The following LAMC1 variants were observed in gnomAD, a reference collection of about 807,000 sequenced individuals.
The protein encoded by LAMC1 is laminin subunit gamma-1.
LAMC1 carries 38 observed loss-of-function variants against 173.6 expected under a neutral mutation model. The ratio of observed to expected loss-of-function variants is 0.22; its 90% CI spans 0.17 to 0.29. The LOEUF is 0.29. Among genes scored for constraint, LAMC1 ranks in the 10% least tolerant of loss-of-function variants. LAMC1 has a pLI of 1.00. For synonymous variants in LAMC1, 746 were observed against 749.1 expected, an observed-to-expected ratio of 1.00 and a Z score of 0.07; for missense variants, 1,824 against 2,051.8, an observed-to-expected ratio of 0.89 and a Z score of 2.14.
intron 1 of LAMC1, among the ~76,000 whole-genome samples, chr1:183,026,862 C>CA (rs1342251623): frequency 2.0e-5 from 3 of 152,110 alleles, no homozygotes; most frequent in Non-Finnish European, 4.4e-5. Flanking sequence ...GAAAATGAAA[C>CA]ATGACATTGT....
At chr1:183,049,573 C>T (rs112145105) in intron 1 of LAMC1, among the ~76,000 whole-genome samples, 7,206 of 151,906 alleles carry the variant, frequency 0.047, 361 homozygotes, top group African/African-American at 0.13. Context: ...AAGCAATTCT[C>T]CTGCCTCAGC....
chr1:183,027,204 A>G (rs1215205377), intron 1 of LAMC1, among the ~76,000 whole-genome samples: 3 of 152,198 alleles, frequency 2.0e-5, no homozygotes, highest in Non-Finnish European at 4.4e-5. Flanking sequence ...GGTGCAGTGC[A>G]TCCTCGGATA....
At chr1:183,044,842 AGG>A (rs939775616) in intron 1 of LAMC1, among the ~76,000 whole-genome samples, 1 of 151,652 alleles carries the variant, frequency 6.6e-6, no homozygotes, top group Non-Finnish European at 1.5e-5. Flanking sequence ...TTCTTTTTTT[AGG>A]GTAGCAGATT....
intron 1 of LAMC1, among the ~76,000 whole-genome samples, chr1:183,051,566 TA>T (rs1292234482): frequency 6.6e-6 from 1 of 152,106 alleles, no homozygotes; most frequent in Non-Finnish European, 1.5e-5. Context: ...AGCTTTGGAG[TA>T]GCTTGTTGTG....
intron 5 of LAMC1, 85 bp downstream of exon 5, chr1:183,114,804 G>A (rs2102081228): frequency 1.5e-6 from 2 of 1,336,188 alleles, no homozygotes; most frequent in Non-Finnish European, 2.1e-6. Flanking sequence ...AAGGCATTTG[G>A]ACAACTAAAT....
At chr1:183,088,390 A>G (rs1279116986) in intron 1 of LAMC1, among the ~76,000 whole-genome samples, 1 of 152,232 alleles carries the variant, frequency 6.6e-6, no homozygotes, top group Non-Finnish European at 1.5e-5. Context: ...CCCTAATGTC[A>G]TAAAATCAAT....
chr1:183,028,161 C>CG (rs1653742392), intron 1 of LAMC1, among the ~76,000 whole-genome samples: 1 of 151,844 alleles, frequency 6.6e-6, no homozygotes, highest in African/African-American at 2.4e-5. Flanking sequence ...CCTCCCCCCC[C>CG]CCACCTCTTC....
intron 1 of LAMC1, among the ~76,000 whole-genome samples, chr1:183,036,096 C>CTTT (rs35129932): frequency 1.5e-5 from 2 of 137,420 alleles, no homozygotes; most frequent in African/African-American, 2.8e-5. Context: ...TGAATGAATT[C>CTTT]TTTTTTTTTT....
intron 1 of LAMC1, among the ~76,000 whole-genome samples, chr1:183,052,045 A>G (rs1246605094): frequency 3.3e-5 from 5 of 152,114 alleles, no homozygotes; most frequent in South Asian, 2.1e-4. Context: ...CTGCTTGTTC[A>G]TCTGATAAAA....
intron 1 of LAMC1, among the ~76,000 whole-genome samples, chr1:183,053,818 G>T (rs1261463007): frequency 1.3e-5 from 2 of 152,090 alleles, no homozygotes; most frequent in Non-Finnish European, 2.9e-5. Context: ...TAGAGACGGG[G>T]TTTTACCATG....
chr1:183,041,674 C>T (rs370042826), intron 1 of LAMC1, among the ~76,000 whole-genome samples: 7 of 152,026 alleles, frequency 4.6e-5, no homozygotes, highest in Non-Finnish European at 7.3e-5. Context: ...TGCATAGTAC[C>T]GGAGACAGGG....
At chr1:183,041,866 C>G (rs1654142994) in intron 1 of LAMC1, among the ~76,000 whole-genome samples, 1 of 152,132 alleles carries the variant, frequency 6.6e-6, no homozygotes, top group South Asian at 2.1e-4. Context: ...GAGTGAATTT[C>G]TATTTCTTTG....
At chr1:183,087,930 C>G (rs1655473001) in intron 1 of LAMC1, among the ~76,000 whole-genome samples, 1 of 151,832 alleles carries the variant, frequency 6.6e-6, no homozygotes, top group South Asian at 2.1e-4. Context: ...TCTCCTGCCT[C>G]AGCCTCCCAA....
In LAMC1 at chr1:183,144,634, G is replaced by C. The variant is rs1402825041; in HGVS notation, c.*1844G>C. On this transcript the variant is annotated 3_prime_UTR_variant, in exon 28 of 28. Coordinates refer to ENST00000258341, the MANE Select transcript of LAMC1 (RefSeq NM_002293.4). ...CAATGTTCCAGAGCAGGAACGCCAG[G>C]TTGACAAGCTATGGTAGGATTAGGA... 6.6e-6 allele frequency: 1 copy of C among 152,236 alleles called. No individual in the cohort carries two copies. Among genetic ancestry groups the C allele is most frequent in the African/African-American group, 2.4e-5 (1 of 41,452 alleles). 9.4% of individuals were successfully genotyped at this position (152,236 alleles called of 1,614,324 possible).
rs535631966 is a variant in LAMC1 at position 183,125,689 on chromosome 1, G to A, written c.2801+139G>A. ...GTAGGCAAGGCATCCTTCAGGGGCA[G>A]TGCTGGAGAATTGTAATAAAGCTAA... is the stretch of plus-strand genomic sequence containing the variant. On this transcript the variant is annotated intron_variant, in intron 15 of 27. Coordinates refer to ENST00000258341, the MANE Select transcript of LAMC1 (RefSeq NM_002293.4). The A allele has an allele frequency of 6.7e-4, 426 of 632,606 alleles. 2 individuals are homozygous for A. Among genetic ancestry groups the A allele is most frequent in the Admixed American group, 1.8e-3 (55 of 30,390 alleles). The allele number at this position is 632,606 out of a possible 1,614,324, so 39.2% of individuals were successfully genotyped here.
intron 2 of LAMC1, among the ~76,000 whole-genome samples, chr1:183,107,362 A>G (rs1223940294): frequency 3.9e-5 from 6 of 152,162 alleles, no homozygotes; most frequent in Non-Finnish European, 5.9e-5. Flanking sequence ...ATGTTAGATA[A>G]GGTGGCCAGG....
intron 1 of LAMC1, among the ~76,000 whole-genome samples, chr1:183,030,551 A>T (rs1467922894): frequency 6.6e-6 from 1 of 152,238 alleles, no homozygotes; most frequent in Non-Finnish European, 1.5e-5. Context: ...ATTTTTTATC[A>T]GTGCCATCTC....
At chr1:183,097,561 A>G (rs1037862095) in intron 1 of LAMC1, among the ~76,000 whole-genome samples, 1 of 152,258 alleles carries the variant, frequency 6.6e-6, no homozygotes, top group African/African-American at 2.4e-5. Flanking sequence ...TGAGTAGCAC[A>G]TAACAGAGGA....
rs184345856 is a variant in LAMC1 at position 183,044,141 on chromosome 1, C to T, written c.418+20007C>T. Among the ~76,000 whole-genome samples, 499 of 152,190 alleles carry T rather than the reference C, an allele frequency of 3.3e-3. 1 individual carries two copies. The highest frequency in any genetic ancestry group is 5.6e-3 in the Non-Finnish European group (381 of 67,968). On this transcript the variant is annotated intron_variant, in intron 1 of 27. Coordinates refer to ENST00000258341, the MANE Select transcript of LAMC1 (RefSeq NM_002293.4). ...GTTCTGTCAGCTTGGTTTTTGCTTT[C>T]TAAAAGATTACAGTCTCCTTGAATT... is the stretch of plus-strand genomic sequence containing the variant.
Sources: allele counts gnomAD v4.1 joint callset (sites outside exome capture counted in the v4.1 genomes callset), GRCh38; gene constraint gnomAD v4.1.1; transcripts MANE v1.5; gene names NCBI Gene and HGNC (gene_info 2026-07-23, HGNC 2026-07-21).